The following SLC4A3 variants were observed in gnomAD, a reference collection of about 807,000 sequenced individuals.
SLC4A3 encodes anion exchange protein 3.
In SLC4A3, 47 loss-of-function variants were observed where a neutral mutation model predicts 114.2. The observed-to-expected ratio is 0.41, with a 90% CI of 0.33 to 0.52. The LOEUF (loss-of-function observed/expected upper bound fraction) is 0.52, where lower values mean the gene tolerates loss of function less well. SLC4A3 is among the 20% of genes least tolerant of loss of function. The pLI is 0.21. For missense variants in SLC4A3, 1,312 were observed against 1,668.3 expected, an observed-to-expected ratio of 0.79 and a Z score of 3.72; for synonymous variants, 693 against 710.3, an observed-to-expected ratio of 0.98 and a Z score of 0.39.
At position 219,637,722 on chromosome 2, in the gene SLC4A3, G is replaced by A. The variant is rs758365062; in HGVS notation, c.2677G>A (p.Ala893Thr). The change falls in exon 17 of 23, where the codon GCA (alanine) becomes ACA (threonine). Residue 893 changes from alanine to threonine, a missense_variant. By Grantham distance (58) the Ala-to-Thr change is moderately conservative. Coordinates refer to ENST00000358055, the MANE Select transcript of SLC4A3 (RefSeq NM_005070.4). The surrounding 1 kb of genome is among the most constrained non-coding windows in gnomAD (Gnocchi z 4.6). ...CAGCCCGAGGAACCAGCCCAATACG[G>A]CACTGCTCTCACTCATCCTCATGCT... ...PPSPRNQPNT[A>T]LLSLILMLGT... 1 of 1,613,846 alleles carries A rather than the reference G, an allele frequency of 6.2e-7. No homozygotes were observed. The highest frequency in any genetic ancestry group is 8.5e-7 in the Non-Finnish European group (1 of 1,179,824).
chr2:219,634,475 T>C lies in SLC4A3; in HGVS notation c.1617T>C (p.Ala539=), dbSNP rs942489707. 3.1e-6 allele frequency: 5 copies of C among 1,614,088 alleles called. No homozygotes were observed. The African/African-American group carries it at 5.3e-5, about 17-fold the overall frequency. ...PAAAFVRLNE[A]VLLESVLEVP... is the part of the protein sequence containing the mutation. ...CAGCCTTCGTGCGTCTGAATGAGGC[T>C]GTACTCCTGGAGTCTGTGCTTGAGG... The change falls in exon 12 of 23, where the codon GCT becomes GCC. Residue 539 remains alanine (A), a synonymous_variant. Coordinates refer to ENST00000358055, the MANE Select transcript of SLC4A3 (RefSeq NM_005070.4).
chr2:219,631,864 A>G lies in SLC4A3; in HGVS notation c.812-104A>G. Reference sequence around the variant, plus strand: ...TTCCCGTCGGCATGGCCTGTTGGTGACTGTAGAGCTCACCAAGTAGATGGG... The same window carrying G: ...TTCCCGTCGGCATGGCCTGTTGGTGGCTGTAGAGCTCACCAAGTAGATGGG... On this transcript the variant is annotated intron_variant, in intron 6 of 22. Transcript: ENST00000358055. The surrounding 1 kb of genome is among the most constrained non-coding windows in gnomAD (Gnocchi z 6.3). 2 of 1,275,998 alleles carry G rather than the reference A, an allele frequency of 1.6e-6. No individual in the cohort carries two copies. Among genetic ancestry groups the G allele is most frequent in the Admixed American group, 2.3e-5 (1 of 43,248 alleles). The allele number at this position is 1,275,998 out of a possible 1,614,324, so 79.0% of individuals were successfully genotyped here.
chr2:219,634,956 G>A (rs752914162), intron 12 of SLC4A3, among the ~76,000 whole-genome samples: 1 of 152,210 alleles, frequency 6.6e-6, no homozygotes, highest in African/African-American at 2.4e-5. Context: ...TTATCAGCCT[G>A]TAAGGTGTAG....
In SLC4A3 at chr2:219,638,738, T is replaced by C; in HGVS notation, c.2892T>C (p.Ser964=). ...TGCCTACAGGGCTCTCAGTGACCTC[T>C]CCCGATAAGCGCTCGTGGTTCATCC... ...LTVPTGLSVT[S]PDKRSWFIPP... The change falls in exon 19 of 23, where the codon TCT becomes TCC. Residue 964 remains serine (S), a synonymous_variant. Coordinates refer to ENST00000358055, the MANE Select transcript of SLC4A3 (RefSeq NM_005070.4). The surrounding 1 kb of genome is among the most constrained non-coding windows in gnomAD (Gnocchi z 7.5). 1 of 1,614,138 alleles carries C rather than the reference T, an allele frequency of 6.2e-7. No individual in the cohort carries two copies. Among genetic ancestry groups the C allele is most frequent in the African/African-American group, 1.3e-5 (1 of 75,024 alleles).
rs200505953 is a variant in SLC4A3 at position 219,639,608 on chromosome 2, G to A, written c.3150G>A (p.Thr1050=). 2.6e-4 allele frequency: 423 copies of A among 1,613,878 alleles called. 7 individuals are homozygous for A. The South Asian group carries it at 4.2e-3, about 16-fold the overall frequency. ...LFGLPWLTAA[T]VRSVTHVNAL... ...GGTTGCCCTGGCTCACGGCTGCCAC[G>A]GTCCGCTCCGTCACCCATGTCAATG... is the stretch of plus-strand genomic sequence containing the variant. Residue 1050 remains threonine, a synonymous_variant, in exon 20 of 23, where the codon ACG becomes ACA. Coordinates refer to ENST00000358055, the MANE Select transcript of SLC4A3 (RefSeq NM_005070.4). This position sits in a 1 kb window ranked among gnomAD's most constrained non-coding sequence, Gnocchi z 5.9.
Position 219,630,613 on chromosome 2 carries a change from GCT to G in SLC4A3, c.811+266_811+267del, listed in dbSNP as rs1188476413. On this transcript the variant is annotated intron_variant, in intron 6 of 22. Coordinates refer to ENST00000358055, the MANE Select transcript of SLC4A3 (RefSeq NM_005070.4). The surrounding 1 kb of genome is among the most constrained non-coding windows in gnomAD (Gnocchi z 6.9). Reference sequence around the variant, plus strand: ...TCTGAGTCACCCCTAGAAAAAGGCAGCTCTCTTTTTCACATTACTGTATCCCT... The same window carrying G: ...TCTGAGTCACCCCTAGAAAAAGGCAGCTCTTTTTCACATTACTGTATCCCT... Among the ~76,000 whole-genome samples the G allele has an allele frequency of 1.3e-5, 2 of 152,224 alleles. No individual in the cohort carries two copies. The highest frequency in any genetic ancestry group is 4.8e-5 in the African/African-American group (2 of 41,534).
chr2:219,629,287 G>A lies in SLC4A3; in HGVS notation c.361G>A (p.Glu121Lys), dbSNP rs772486807. Reference sequence around the variant, plus strand: ...GGAGAAAACCTCTGCTCCTCCCTCCGAGGGGACCCCTCCCATCCAGGAGGA... The same window carrying A: ...GGAGAAAACCTCTGCTCCTCCCTCCAAGGGGACCCCTCCCATCCAGGAGGA... ...KKEKTSAPPS[E>K]GTPPIQEEGG... Residue 121 changes from glutamate (E) to lysine (K), a missense_variant, in exon 4 of 23, where the codon GAG becomes AAG. By Grantham distance (56) the Glu-to-Lys change is moderately conservative (BLOSUM62 1). Coordinates refer to ENST00000358055, the MANE Select transcript of SLC4A3 (RefSeq NM_005070.4). The A allele has an allele frequency of 1.2e-6, 2 of 1,613,908 alleles. No individual in the cohort carries two copies. The highest frequency in any genetic ancestry group is 2.2e-5 in the East Asian group (1 of 44,866).
rs745424226 is a variant in SLC4A3, at chr2:219,640,905, G to A, written c.3564G>A (p.Thr1188=). 22 of 1,610,728 alleles carry A rather than the reference G, an allele frequency of 1.4e-5. No individual in the cohort carries two copies. Among genetic ancestry groups the A allele is most frequent in the Admixed American group, 3.3e-5 (2 of 59,996 alleles). The part of the protein sequence containing the change: ...SLAFPFLLLL[T]VPLRHCLLPR... ...CCTTTCCCTTCCTGCTGCTGCTCAC[G>A]GTGCCTCTGAGGCATTGCCTTCTGC... is the stretch of plus-strand genomic sequence containing the variant. The change falls in exon 22 of 23, where the codon ACG becomes ACA. Residue 1188 remains threonine (T), a synonymous_variant. Transcript: ENST00000358055.
In SLC4A3 at chr2:219,639,600, G is replaced by T; in HGVS notation, c.3142G>T (p.Ala1048Ser). The T allele has an allele frequency of 4.3e-6, 7 of 1,613,992 alleles. No individual in the cohort carries two copies. The highest frequency in any genetic ancestry group is 5.1e-6 in the Non-Finnish European group (6 of 1,180,034). ...CGLFGLPWLT[A>S]ATVRSVTHVN... ...GCTGTTTGGGTTGCCCTGGCTCACGGCTGCCACGGTCCGCTCCGTCACCCA... is the reference window on the plus strand; with the variant it reads ...GCTGTTTGGGTTGCCCTGGCTCACGTCTGCCACGGTCCGCTCCGTCACCCA... Residue 1048 changes from alanine to serine, a missense_variant, in exon 20 of 23, where the codon GCT becomes TCT. Ala to Ser is a moderately conservative substitution (Grantham distance 99). Transcript: ENST00000358055. This position sits in a 1 kb window ranked among gnomAD's most constrained non-coding sequence, Gnocchi z 5.9.
Position 219,631,987 on chromosome 2 carries a change from C to A in SLC4A3, c.831C>A (p.Asn277Lys), listed in dbSNP as rs568705831. ...CTGCAGGTCACCGACTGGAGGACAA[C>A]CCTGGTGTGCGGCGACACTTAGTGA... ...DDMKSHRLED[N>K]PGVRRHLVKK... Residue 277 changes from asparagine (N) to lysine (K), a missense_variant, in exon 7 of 23, where the codon AAC becomes AAA. Physicochemically the swap from Asn to Lys is moderately conservative, Grantham distance 94. Transcript: ENST00000358055. The surrounding 1 kb of genome is among the most constrained non-coding windows in gnomAD (Gnocchi z 6.3). 12 of 1,610,882 alleles carry A rather than the reference C, an allele frequency of 7.4e-6. No homozygotes were observed. The highest frequency in any genetic ancestry group is 2.2e-5 in the South Asian group (2 of 90,802).
chr2:219,634,093 C>G (rs1452708532), intron 11 of SLC4A3, 114 bp downstream of exon 11: 7 of 1,208,372 alleles, frequency 5.8e-6, no homozygotes, highest in Admixed American at 3.0e-5. Flanking sequence ...CCTCCAGGCT[C>G]CCACCTGGTC....
In SLC4A3 at chr2:219,635,691, G is replaced by A. The variant is rs780130612; in HGVS notation, c.1991G>A (p.Gly664Glu). The A allele has an allele frequency of 6.3e-7, 1 of 1,586,624 alleles. No individual in the cohort carries two copies. The highest frequency in any genetic ancestry group is 1.2e-5 in the South Asian group (1 of 86,434). ...CCCCCAGAACTGTCTTTGGAGTTGGGGGGCTCTGAGGCAACCCCTGAAGAT... is the reference window on the plus strand; with the variant it reads ...CCCCCAGAACTGTCTTTGGAGTTGGAGGGCTCTGAGGCAACCCCTGAAGAT... ...APGKELSLEL[G>E]GSEATPEDDP... Residue 664 changes from glycine (G) to glutamate (E), a missense_variant, in exon 14 of 23, where the codon GGG (glycine) becomes GAG (glutamate). Transcript: ENST00000358055.
Position 219,641,077 on chromosome 2 carries a change from C to T in SLC4A3, c.3621+115C>T. The T allele has an allele frequency of 1.0e-6, 1 of 966,388 alleles. No homozygotes were observed. Among genetic ancestry groups the T allele is most frequent in the South Asian group, 1.6e-5 (1 of 63,010 alleles). The allele number at this position is 966,388 out of a possible 1,614,324, so 59.9% of individuals were successfully genotyped here. A position where few individuals can be genotyped will look rare whatever the true frequency, so the allele number is the denominator to read the frequency against. The stretch of plus-strand genomic sequence containing the variant: ...TGTGAAACTTGTGTAACTTGTGTTG[C>T]AAGTTATCTCACCTTCCGAAATCTT... On this transcript the variant is annotated intron_variant, in intron 22 of 22. Coordinates refer to ENST00000358055, the MANE Select transcript of SLC4A3 (RefSeq NM_005070.4). This position sits in a 1 kb window ranked among gnomAD's most constrained non-coding sequence, Gnocchi z 4.0.
intron 20 of SLC4A3, among the ~76,000 whole-genome samples, 158 bp from the exon 21 acceptor site, chr2:219,640,272 G>T (rs1358212829): frequency 7.7e-6 from 1 of 130,108 alleles, no homozygotes; most frequent in Non-Finnish European, 1.5e-5. Flanking sequence ...ATAAGGCCAA[G>T]TTGATTGGTC....
chr2:219,628,356 G>C lies in SLC4A3; in HGVS notation c.52-49G>C, dbSNP rs377121750. On this transcript the variant is annotated intron_variant, in intron 2 of 22. Coordinates refer to ENST00000358055, the MANE Select transcript of SLC4A3 (RefSeq NM_005070.4). The surrounding 1 kb of genome is among the most constrained non-coding windows in gnomAD (Gnocchi z 4.8). ...AGGGCTTGGAGTTGGGGTGGGTGTG[G>C]GGCCTTCATGGGTCAGGGGTCCTTA... 1.3e-5 allele frequency: 20 copies of C among 1,532,070 alleles called. No homozygotes were observed. Among genetic ancestry groups the C allele is most frequent in the South Asian group, 7.5e-5 (6 of 79,888 alleles). 94.9% of individuals were successfully genotyped at this position (1,532,070 alleles called of 1,614,324 possible). A position where few individuals can be genotyped will look rare whatever the true frequency, so the allele number is the denominator to read the frequency against.
At position 219,636,964 on chromosome 2, in the gene SLC4A3, C is replaced by A; in HGVS notation, c.2535+90C>A. ...GCATGGGAGGGGGAGGTATGGAGAA[C>A]TAGGGGACAAGGAGAGGGACTGTGT... On this transcript the variant is annotated intron_variant, in intron 16 of 22. Transcript: ENST00000358055. The surrounding 1 kb of genome is among the most constrained non-coding windows in gnomAD (Gnocchi z 5.5). 1 of 1,146,088 alleles carries A rather than the reference C, an allele frequency of 8.7e-7. No individual in the cohort carries two copies. Among genetic ancestry groups the A allele is most frequent in the Non-Finnish European group, 1.3e-6 (1 of 782,328 alleles). The allele number at this position is 1,146,088 out of a possible 1,614,324, so 71.0% of individuals were successfully genotyped here.
In SLC4A3 at chr2:219,639,553, G is replaced by T; in HGVS notation, c.3095G>T (p.Gly1032Val). The T allele has an allele frequency of 6.2e-7, 1 of 1,614,020 alleles. No homozygotes were observed. Among genetic ancestry groups the T allele is most frequent in the Non-Finnish European group, 8.5e-7 (1 of 1,180,004 alleles). The change falls in exon 20 of 23, where the codon GGC becomes GTC. Residue 1032 changes from glycine to valine, a missense_variant. Gly to Val is a moderately radical substitution (Grantham distance 109, BLOSUM62 -3). Transcript: ENST00000358055. This position sits in a 1 kb window ranked among gnomAD's most constrained non-coding sequence, Gnocchi z 5.9. ...SGFHLDLLLI[G>V]SLGGLCGLFG... ...TTCCACCTGGACCTGCTCCTCATTG[G>T]CTCCCTGGGGGGGCTCTGTGGGCTG...
Position 219,639,702 on chromosome 2 carries a change from C to G in SLC4A3, c.3244C>G (p.Arg1082Gly). Residue 1082 changes from arginine to glycine, a missense_variant, in exon 20 of 23, where the codon CGG (arginine) becomes GGG (glycine). By Grantham distance (125) the Arg-to-Gly change is moderately radical (BLOSUM62 -2). Coordinates refer to ENST00000358055, the MANE Select transcript of SLC4A3 (RefSeq NM_005070.4). This position sits in a 1 kb window ranked among gnomAD's most constrained non-coding sequence, Gnocchi z 5.9. ...CCAGATCCAGGAGGTGCGGGAGCAG[C>G]GGGTCACTGGTGTGCTCATCGCCAG... ...KPQIQEVREQ[R>G]VTGVLIASLV... 1 of 1,610,756 alleles carries G rather than the reference C, an allele frequency of 6.2e-7. No individual in the cohort carries two copies. Among genetic ancestry groups the G allele is most frequent in the South Asian group, 1.1e-5 (1 of 91,058 alleles).
rs1365611985 is a variant in SLC4A3, at chr2:219,637,523, G to A, written c.2536-58G>A. The A allele has an allele frequency of 4.2e-6, 4 of 950,054 alleles. No homozygotes were observed. The highest frequency in any genetic ancestry group is 2.2e-5 in the Admixed American group (1 of 45,226). 58.9% of individuals were successfully genotyped at this position (950,054 alleles called of 1,614,324 possible). A position where few individuals can be genotyped will look rare whatever the true frequency, so the allele number is the denominator to read the frequency against. Reference sequence around the variant, plus strand: ...TCTCTCTCACAGGTGTACTGATGACGATGAAGTCAGGTCACCTGCCAGGTG... The same window carrying A: ...TCTCTCTCACAGGTGTACTGATGACAATGAAGTCAGGTCACCTGCCAGGTG... On this transcript the variant is annotated intron_variant, in intron 16 of 22. Transcript: ENST00000358055. The surrounding 1 kb of genome is among the most constrained non-coding windows in gnomAD (Gnocchi z 4.6).
Sources: gnomAD v4.1 joint callset for allele counts (sites outside exome capture counted in the v4.1 genomes callset) on GRCh38, gnomAD v4.1.1 for gene constraint, Gnocchi (gnomAD v3.1) non-coding constraint, MANE v1.5 for transcripts, NCBI Gene and HGNC (gene_info 2026-07-23, HGNC 2026-07-21) for gene names.